Variants in KCNJ1 observed in about 807,000 individuals in gnomAD.
KCNJ1 encodes ATP-sensitive inward rectifier potassium channel 1.
In KCNJ1, 24 loss-of-function variants were observed where a neutral mutation model predicts 21.9. That is an observed-to-expected ratio of 1.10 (90% confidence interval 0.79 to 1.54). The LOEUF is 1.54. KCNJ1 is among the 40% of genes most tolerant of loss of function. The pLI, the probability that KCNJ1 is intolerant of heterozygous loss-of-function variation, is 0.00. For missense variants in KCNJ1, 457 were observed against 455.4 expected (o/e 1.00, Z -0.03); for synonymous variants, 152 against 160.9 (o/e 0.94, Z 0.42).
chr11:128,866,843 G>T (rs1030741966), intron 1 of KCNJ1, among the ~76,000 whole-genome samples: 3 of 152,158 alleles, frequency 2.0e-5, no homozygotes, highest in African/African-American at 7.2e-5. Flanking sequence ...TTGAAAGGAT[G>T]CCACCAGAGA....
chr11:128,858,498 C>G (rs1168700544), intron 1 of KCNJ1, among the ~76,000 whole-genome samples: 1 of 152,106 alleles, frequency 6.6e-6, no homozygotes, highest in African/African-American at 2.4e-5. Context: ...AGGGCACATA[C>G]TTTTCAGAGT....
chr11:128,848,232 G>A (rs906606376), intron 2 of KCNJ1, among the ~76,000 whole-genome samples: 2 of 145,204 alleles, frequency 1.4e-5, no homozygotes, highest in African/African-American at 2.6e-5. Context: ...AGCTTGCAGT[G>A]AGCCAAGATC....
chr11:128,867,146 G>A (rs1359896059), intron 1 of KCNJ1, 27 bp downstream of exon 1: 1 of 152,116 alleles, frequency 6.6e-6, no homozygotes, highest in African/African-American at 2.4e-5. Context: ...TTCCTACAAA[G>A]AGACAATGAG....
intron 1 of KCNJ1, among the ~76,000 whole-genome samples, chr11:128,852,337 A>G (rs1200552115): frequency 6.6e-6 from 1 of 152,204 alleles, no homozygotes; most frequent in African/African-American, 2.4e-5. Flanking sequence ...AGGCTGCAAT[A>G]GCATCCTGCT....
intron 1 of KCNJ1, among the ~76,000 whole-genome samples, chr11:128,862,336 G>C (rs954745030): frequency 1.3e-5 from 2 of 152,160 alleles, no homozygotes; most frequent in Admixed American, 1.3e-4. Context: ...GAATTCTTAT[G>C]CACAATGGAT....
intron 2 of KCNJ1, among the ~76,000 whole-genome samples, chr11:128,846,436 G>A (rs1317053976): frequency 6.6e-6 from 1 of 152,136 alleles, no homozygotes; most frequent in Admixed American, 6.5e-5. Flanking sequence ...GGCCAATCGG[G>A]GTCTACCTCC....
At position 128,839,541 on chromosome 11, in the gene KCNJ1, C is replaced by T; in HGVS notation, c.703G>A (p.Asp235Asn). 4.3e-6 allele frequency: 7 copies of T among 1,614,186 alleles called. No homozygotes were observed. Among genetic ancestry groups the T allele is most frequent in the Non-Finnish European group, 5.9e-6 (7 of 1,180,024 alleles). The change falls in exon 3 of 3, where the codon GAC becomes AAC. Residue 235 changes from aspartate (D) to asparagine (N), a missense_variant. By Grantham distance (23) the Asp-to-Asn change is conservative. Transcript: ENST00000392666. ...AAGAATAAATTTTCATTCCCAGCGT[C>T]AACTACAAAGTTGATATTGATCTGG... ...LDQININFVV[D>N]AGNENLFFIS...
In KCNJ1 at chr11:128,867,266, C is replaced by T. The variant is rs983673280; in HGVS notation, c.-285G>A. The T allele has an allele frequency of 6.6e-6, 1 of 152,142 alleles. No individual in the cohort carries two copies. Among genetic ancestry groups the T allele is most frequent in the African/African-American group, 2.4e-5 (1 of 41,438 alleles). The allele number at this position is 152,142 out of a possible 1,614,324, so 9.4% of individuals were successfully genotyped here. ...TTCTCGATGTGAGCAAGTCCCTGCA[C>T]CTTTGATGCAAGAGTTTGGATATGC... On this transcript the variant is annotated 5_prime_UTR_variant, in exon 1 of 3. It adds an upstream start codon to the 5' untranslated region. Coordinates refer to ENST00000392666, the MANE Select transcript of KCNJ1 (RefSeq NM_153766.3).
At chr11:128,857,938 A>T (rs1010087020) in intron 1 of KCNJ1, among the ~76,000 whole-genome samples, 9 of 152,252 alleles carry the variant, frequency 5.9e-5, no homozygotes, top group Admixed American at 5.2e-4. Flanking sequence ...TTACATTTTT[A>T]AAAACTACCT....
At chr11:128,855,207 A>C (rs918725655) in intron 1 of KCNJ1, among the ~76,000 whole-genome samples, 3 of 152,164 alleles carry the variant, frequency 2.0e-5, no homozygotes, top group Non-Finnish European at 4.4e-5. Flanking sequence ...TGTTTTGGAC[A>C]TACTGTCTTC....
At chr11:128,842,419 G>C (rs779576852) in intron 2 of KCNJ1, 4 of 1,613,794 alleles carry the variant, frequency 2.5e-6, no homozygotes, top group Non-Finnish European at 3.4e-6. Context: ...AGCATTCATG[G>C]CTGGAAAAAG....
At chr11:128,859,917 G>T in intron 1 of KCNJ1, among the ~76,000 whole-genome samples, 1 of 152,272 alleles carries the variant, frequency 6.6e-6, no homozygotes, top group Non-Finnish European at 1.5e-5. Context: ...GTACCCGTAA[G>T]TAGGCACTGG....
At chr11:128,856,798 G>C (rs1943599453) in intron 1 of KCNJ1, among the ~76,000 whole-genome samples, 1 of 152,010 alleles carries the variant, frequency 6.6e-6, no homozygotes, top group South Asian at 2.1e-4. Flanking sequence ...GTCAGGACCT[G>C]TCTGTCCTCT....
At chr11:128,849,335 A>G (rs1345330059) in intron 2 of KCNJ1, among the ~76,000 whole-genome samples, 1 of 152,252 alleles carries the variant, frequency 6.6e-6, no homozygotes, top group African/African-American at 2.4e-5. Context: ...ATTCAGCATC[A>G]ACTTACTCTG....
intron 1 of KCNJ1, among the ~76,000 whole-genome samples, chr11:128,860,905 G>A (rs372983485): frequency 3.3e-5 from 5 of 152,252 alleles, no homozygotes; most frequent in African/African-American, 7.2e-5. Flanking sequence ...TCATGTCGCC[G>A]GGGCCTGCCT....
chr11:128,852,596 T>C (rs865974854), intron 1 of KCNJ1, among the ~76,000 whole-genome samples: 1 of 152,226 alleles, frequency 6.6e-6, no homozygotes, highest in Middle Eastern at 3.2e-3. Context: ...GCCAGCAGCT[T>C]CGGTGACCCT....
chr11:128,855,940 T>G (rs925558607), intron 1 of KCNJ1, among the ~76,000 whole-genome samples: 1 of 152,210 alleles, frequency 6.6e-6, no homozygotes, highest in South Asian at 2.1e-4. Flanking sequence ...CCACTGTGCC[T>G]GTGTGAGCTG....
chr11:128,841,549 G>A (rs1015682537), intron 2 of KCNJ1, among the ~76,000 whole-genome samples: 7 of 152,078 alleles, frequency 4.6e-5, no homozygotes, highest in African/African-American at 1.7e-4. Flanking sequence ...TGCCCACCCT[G>A]GTCCGCAATG....
Position 128,857,098 on chromosome 11 carries a change from C to T in KCNJ1, c.-191-6208G>A, listed in dbSNP as rs78413984. Among the ~76,000 whole-genome samples the T allele has an allele frequency of 1.2e-4, 19 of 152,314 alleles. No individual in the cohort carries two copies. The East Asian group carries it at 3.7e-3, about 29-fold the overall frequency. On this transcript the variant is annotated intron_variant, in intron 1 of 2. Coordinates refer to ENST00000392666, the MANE Select transcript of KCNJ1 (RefSeq NM_153766.3). ...GCTCACTATGTTCCCACCCCCTCTG[C>T]TCTGCAATGTGCGGCGCAGCTCCTG... is the stretch of plus-strand genomic sequence containing the variant.
Sources: gnomAD v4.1 joint callset for allele counts (sites outside exome capture counted in the v4.1 genomes callset) on GRCh38, gnomAD v4.1.1 for gene constraint, MANE v1.5 for transcripts, NCBI Gene and HGNC (gene_info 2026-07-23, HGNC 2026-07-21) for gene names.